RHBDL3: variants seen among roughly 807,000 people sequenced by gnomAD.
RHBDL3 encodes the protein rhomboid like 3.
In RHBDL3, 28 loss-of-function variants were observed where a neutral mutation model predicts 48.2. That is an observed-to-expected ratio of 0.58 (90% CI 0.43 to 0.80). RHBDL3 has a LOEUF of 0.80. Ranked by LOEUF, RHBDL3 falls within the 30% of genes least tolerant of loss-of-function variation. RHBDL3 has a pLI of 0.00. For missense variants in RHBDL3, 464 were observed against 542.7 expected, an observed-to-expected ratio of 0.85 and a Z score of 1.44; for synonymous variants, 208 against 232.3, an observed-to-expected ratio of 0.90 and a Z score of 0.95.
At chr17:32,267,433 G>T (rs574472191) in intron 1 of RHBDL3, among the ~76,000 whole-genome samples, 6 of 145,906 alleles carry the variant, frequency 4.1e-5, no homozygotes, top group South Asian at 2.1e-4. Flanking sequence ...GTTCTCCTGG[G>T]GGGGGAGGGG....
At chr17:32,282,283 G>A (rs188560457) in intron 2 of RHBDL3, among the ~76,000 whole-genome samples, 47 of 152,262 alleles carry the variant, frequency 3.1e-4, no homozygotes, top group Non-Finnish European at 5.3e-4. Context: ...AATATGCCTC[G>A]GGGCCAGGCA....
At chr17:32,278,794 A>G (rs1194002229) in intron 2 of RHBDL3, among the ~76,000 whole-genome samples, 2 of 152,136 alleles carry the variant, frequency 1.3e-5, no homozygotes, top group Non-Finnish European at 2.9e-5. Flanking sequence ...TCTCAAAGTG[A>G]CCAAGTTAGG....
chr17:32,285,740 T>C (rs1054734415), intron 3 of RHBDL3, among the ~76,000 whole-genome samples: 3 of 152,202 alleles, frequency 2.0e-5, no homozygotes, highest in Non-Finnish European at 4.4e-5. Flanking sequence ...TGGTCACCTC[T>C]CTTCATGTCA....
At chr17:32,275,916 C>T (rs2039885758) in intron 2 of RHBDL3, among the ~76,000 whole-genome samples, 1 of 152,120 alleles carries the variant, frequency 6.6e-6, no homozygotes, top group Admixed American at 6.5e-5. Flanking sequence ...TCACAAGGGC[C>T]CCTCATGCCT....
At chr17:32,281,529 TCTC>T (rs2040047641) in intron 2 of RHBDL3, among the ~76,000 whole-genome samples, 1 of 151,718 alleles carries the variant, frequency 6.6e-6, no homozygotes, top group Admixed American at 6.5e-5. Context: ...ACCTGCTCCT[TCTC>T]AGCCCGCACC....
intron 2 of RHBDL3, among the ~76,000 whole-genome samples, chr17:32,269,990 G>GCA (rs1381161352): frequency 1.1e-4 from 16 of 151,922 alleles, no homozygotes; most frequent in Admixed American, 1.0e-3. Context: ...GTCACAAAGA[G>GCA]CATACCCCTG....
chr17:32,309,770 CTTTTTTTTTTTTTTT>C (rs11346917), intron 7 of RHBDL3, among the ~76,000 whole-genome samples: 15 of 124,732 alleles, frequency 1.2e-4, no homozygotes, highest in Admixed American at 8.5e-5. Flanking sequence ...ATCAAGACTT[CTTTTTTTTTTTTTTT>C]TTTTTTTTTT....
At chr17:32,311,146 T>C (rs984198362) in intron 7 of RHBDL3, among the ~76,000 whole-genome samples, 2 of 152,224 alleles carry the variant, frequency 1.3e-5, no homozygotes, top group African/African-American at 4.8e-5. Flanking sequence ...TACCAACTTG[T>C]TCGCTGTGGG....
At chr17:32,297,736 G>A (rs2040487206) in intron 5 of RHBDL3, among the ~76,000 whole-genome samples, 1 of 135,472 alleles carries the variant, frequency 7.4e-6, no homozygotes, top group African/African-American at 2.8e-5. Context: ...CTGGGTTCAA[G>A]TGGTCCTCCC....
intron 4 of RHBDL3, among the ~76,000 whole-genome samples, chr17:32,289,660 G>A (rs2040280369): frequency 6.6e-6 from 1 of 152,200 alleles, no homozygotes; most frequent in Non-Finnish European, 1.5e-5. Flanking sequence ...TTATGCAACA[G>A]AATCCAAAGG....
At chr17:32,277,950 C>T (rs1210355560) in intron 2 of RHBDL3, among the ~76,000 whole-genome samples, 3 of 152,160 alleles carry the variant, frequency 2.0e-5, no homozygotes, top group Admixed American at 2.0e-4. Flanking sequence ...CCACAGAACC[C>T]TTATTTCAGG....
Position 32,321,167 on chromosome 17 carries a change from G to A in RHBDL3, c.1153G>A (p.Ala385Thr), listed in dbSNP as rs748674946. The A allele has an allele frequency of 4.8e-5, 78 of 1,614,008 alleles. No homozygotes were observed. Among genetic ancestry groups the A allele is most frequent in the Non-Finnish European group, 6.3e-5 (74 of 1,179,964 alleles). ...VAMYTVFVLF[A>T]VFWNIFAYTL... is the part of the protein sequence containing the mutation. ...CATGTACACCGTCTTCGTGCTGTTC[G>A]CTGTCTTCTGGAACATCTTTGCCTA... Residue 385 changes from alanine (A) to threonine (T), a missense_variant, in exon 9 of 9, where the codon GCT becomes ACT. Ala to Thr is a moderately conservative substitution (Grantham distance 58). Coordinates refer to ENST00000269051, the MANE Select transcript of RHBDL3 (RefSeq NM_138328.3).
chr17:32,279,819 G>A (rs75352344), intron 2 of RHBDL3, among the ~76,000 whole-genome samples: 1 of 152,260 alleles, frequency 6.6e-6, no homozygotes, highest in Non-Finnish European at 1.5e-5. Flanking sequence ...CAACAGCTGC[G>A]AGTGGAGCCT....
chr17:32,302,029 G>A lies in RHBDL3; in HGVS notation c.782-3312G>A, dbSNP rs183386273. Among the ~76,000 whole-genome samples, 13 of 152,334 alleles carry A rather than the reference G, an allele frequency of 8.5e-5. No homozygotes were observed. The East Asian group carries it at 2.3e-3, about 27-fold the overall frequency. On this transcript the variant is annotated intron_variant, in intron 6 of 8. Transcript: ENST00000269051. ...TGGCATGACCTCAGAATTTTGGGGT[G>A]CAGGATACAGAATTTGTAATCCTGA... is the stretch of plus-strand genomic sequence containing the variant.
chr17:32,320,620 G>A (rs1047031151), intron 8 of RHBDL3, among the ~76,000 whole-genome samples: 1 of 152,188 alleles, frequency 6.6e-6, no homozygotes, highest in African/African-American at 2.4e-5. Context: ...CGCCGCACCC[G>A]GCCAAATGTC....
chr17:32,318,453 A>G (rs1597698740), intron 8 of RHBDL3, among the ~76,000 whole-genome samples: 1 of 25,566 alleles, frequency 3.9e-5, no homozygotes, highest in Admixed American at 2.7e-4. Context: ...CCTGACCAAC[A>G]TGCTGAAACA....
intron 2 of RHBDL3, 148 bp downstream of exon 2, chr17:32,268,073 G>C (rs942518943): frequency 2.7e-6 from 2 of 730,438 alleles, no homozygotes; most frequent in African/African-American, 1.7e-5. Context: ...AGGGCTGAAC[G>C]ACACTGCTCT....
At chr17:32,281,433 T>C (rs9916839) in intron 2 of RHBDL3, among the ~76,000 whole-genome samples, 86,834 of 151,898 alleles carry the variant, frequency 0.57, 28,027 homozygotes, top group African/African-American at 0.89. Flanking sequence ...CTCCCTTCTC[T>C]AGGCCGAGGC....
chr17:32,273,378 G>A (rs1007525057), intron 2 of RHBDL3, among the ~76,000 whole-genome samples: 1 of 152,346 alleles, frequency 6.6e-6, no homozygotes, highest in Middle Eastern at 3.4e-3. Context: ...CAGCCAGAGC[G>A]GAGACTAGAT....
Sources: allele counts gnomAD v4.1 joint callset (sites outside exome capture counted in the v4.1 genomes callset), GRCh38; gene constraint gnomAD v4.1.1; transcripts MANE v1.5; gene names NCBI Gene and HGNC (gene_info 2026-07-23, HGNC 2026-07-21).